LRRTM4: variants seen among roughly 807,000 people sequenced by gnomAD.
LRRTM4 encodes leucine-rich repeat transmembrane neuronal protein 4.
In LRRTM4, 25 loss-of-function variants were observed where a neutral mutation model predicts 47.6. The ratio of observed to expected loss-of-function variants is 0.53; its 90% CI spans 0.38 to 0.73. LRRTM4 has a LOEUF of 0.73. LRRTM4 is among the 30% of genes least tolerant of loss of function. The pLI is 0.00. For missense variants in LRRTM4, 638 were observed against 713.4 expected, an observed-to-expected ratio of 0.89 and a Z score of 1.20; for synonymous variants, 311 against 269.5, an observed-to-expected ratio of 1.15 and a Z score of -1.51.
intron 3 of LRRTM4, among the ~76,000 whole-genome samples, chr2:77,367,596 T>G (rs1672509876): frequency 6.6e-6 from 1 of 151,886 alleles, no homozygotes; most frequent in Non-Finnish European, 1.5e-5. Flanking sequence ...TCAGTCAGCC[T>G]TCTTCTAGCT....
chr2:77,050,770 C>T (rs6708058), intron 3 of LRRTM4, among the ~76,000 whole-genome samples: 81,689 of 151,998 alleles, frequency 0.54, 24,502 homozygotes, highest in African/African-American at 0.81. Flanking sequence ...TTCTGTAAAA[C>T]GGAAAAGTAA....
intron 3 of LRRTM4, among the ~76,000 whole-genome samples, chr2:77,405,340 G>C (rs1364459152): frequency 6.6e-6 from 1 of 152,046 alleles, no homozygotes; most frequent in Non-Finnish European, 1.5e-5. Context: ...GGTCACCCCA[G>C]AACATGGTAG....
At chr2:77,056,555 GA>G (rs981664725) in intron 3 of LRRTM4, among the ~76,000 whole-genome samples, 6 of 151,636 alleles carry the variant, frequency 4.0e-5, no homozygotes, top group Non-Finnish European at 7.4e-5. Context: ...GAAAGTAATT[GA>G]AAAAAGTATT....
intron 3 of LRRTM4, among the ~76,000 whole-genome samples, chr2:76,950,655 A>G (rs916865234): frequency 2.6e-5 from 4 of 152,010 alleles, no homozygotes; most frequent in African/African-American, 9.7e-5. Context: ...AAACAGTTGT[A>G]AACAAACACT....
intron 3 of LRRTM4, among the ~76,000 whole-genome samples, chr2:77,382,486 A>G (rs995109363): frequency 4.4e-4 from 67 of 152,182 alleles, no homozygotes; most frequent in African/African-American, 1.5e-3. Context: ...AAAATTTTTC[A>G]CAAACATCTT....
rs534486955 is a variant in LRRTM4, at chr2:77,124,867, G to A, written c.1552-375951C>T. ...AACATTGTGCTGACTTTTCAAAACC[G>A]TGTCTGTGGTCCCACGTGCACTGCA... is the stretch of plus-strand genomic sequence containing the variant. On this transcript the variant is annotated intron_variant, in intron 3 of 3. Coordinates refer to ENST00000409884, the MANE Select transcript of LRRTM4 (RefSeq NM_001134745.3). Among the ~76,000 whole-genome samples, 4 of 152,128 alleles carry A rather than the reference G, an allele frequency of 2.6e-5. No individual in the cohort carries two copies. In the East Asian group the frequency reaches 5.8e-4, roughly 22 times the overall value.
intron 3 of LRRTM4, among the ~76,000 whole-genome samples, chr2:76,794,049 C>T (rs1388266644): frequency 7.9e-5 from 12 of 152,110 alleles, no homozygotes; most frequent in African/African-American, 2.2e-4. Context: ...TAGGGAAGTC[C>T]AACCAGGAAC....
chr2:76,877,784 G>C (rs938661929), intron 3 of LRRTM4, among the ~76,000 whole-genome samples: 1 of 151,998 alleles, frequency 6.6e-6, no homozygotes, highest in Non-Finnish European at 1.5e-5. Flanking sequence ...CCAGAATATG[G>C]AGTAAAAAGC....
At chr2:77,138,570 A>G (rs899037775) in intron 3 of LRRTM4, among the ~76,000 whole-genome samples, 4 of 152,228 alleles carry the variant, frequency 2.6e-5, no homozygotes, top group Admixed American at 2.6e-4. Context: ...GAGCTAAAGA[A>G]GCAAGAGCAA....
At chr2:76,896,461 GA>G (rs1030551510) in intron 3 of LRRTM4, among the ~76,000 whole-genome samples, 5 of 151,420 alleles carry the variant, frequency 3.3e-5, no homozygotes, top group African/African-American at 7.3e-5. Context: ...CCTATTCTAT[GA>G]AAAAAAATCA....
intron 3 of LRRTM4, among the ~76,000 whole-genome samples, chr2:76,904,394 T>C (rs1429015621): frequency 6.6e-6 from 1 of 152,220 alleles, no homozygotes; most frequent in African/African-American, 2.4e-5. Flanking sequence ...CAGGAAATCC[T>C]TCCGACTTGC....
chr2:77,258,963 G>T (rs925648153), intron 3 of LRRTM4, among the ~76,000 whole-genome samples: 2 of 151,852 alleles, frequency 1.3e-5, no homozygotes, highest in Non-Finnish European at 2.9e-5. Flanking sequence ...TTTAAAGAAG[G>T]AGGCCTGAAG....
At chr2:76,849,885 A>G (rs1276148540) in intron 3 of LRRTM4, among the ~76,000 whole-genome samples, 1 of 152,154 alleles carries the variant, frequency 6.6e-6, no homozygotes, top group East Asian at 1.9e-4. Context: ...GAACTGATGT[A>G]TAATTGTATT....
At chr2:77,437,757 C>G (rs1036763832) in intron 3 of LRRTM4, among the ~76,000 whole-genome samples, 4 of 151,908 alleles carry the variant, frequency 2.6e-5, no homozygotes, top group African/African-American at 9.7e-5. Flanking sequence ...TTTAAGATTG[C>G]CTTAGTTCCT....
intron 3 of LRRTM4, among the ~76,000 whole-genome samples, chr2:77,243,012 G>A (rs1675312485): frequency 6.6e-6 from 1 of 152,114 alleles, no homozygotes; most frequent in African/African-American, 2.4e-5. Context: ...AAAATGCAGT[G>A]TATGCAGGTA....
Position 76,991,953 on chromosome 2 carries a change from T to C in LRRTM4, c.1552-243037A>G, listed in dbSNP as rs536456274. Among the ~76,000 whole-genome samples, 5 of 151,904 alleles carry C rather than the reference T, an allele frequency of 3.3e-5. No homozygotes were observed. The East Asian group carries it at 9.7e-4, about 29-fold the overall frequency. ...TAATTCACCACAATAAACTAGGCTT[T>C]ATTCTTGGGATTTAAGATTGATTAA... On this transcript the variant is annotated intron_variant, in intron 3 of 3. Transcript: ENST00000409884.
chr2:77,043,006 A>C (rs1320671346), intron 3 of LRRTM4, among the ~76,000 whole-genome samples: 1 of 151,688 alleles, frequency 6.6e-6, no homozygotes, highest in Non-Finnish European at 1.5e-5. Flanking sequence ...TCTGTTTCTC[A>C]ATATATGCTG....
chr2:77,227,062 G>A (rs78482841), intron 3 of LRRTM4, among the ~76,000 whole-genome samples: 1,549 of 151,980 alleles, frequency 0.01, 5 homozygotes, highest in Non-Finnish European at 0.016. Context: ...GCTAAGATTG[G>A]GTTAATAGCA....
chr2:77,401,943 C>G (rs1291806467), intron 3 of LRRTM4, among the ~76,000 whole-genome samples: 2 of 151,802 alleles, frequency 1.3e-5, no homozygotes, highest in Non-Finnish European at 2.9e-5. Context: ...TTTGAAAGAA[C>G]GACTATTTTA....
Sources: gnomAD v4.1 joint callset for allele counts (sites outside exome capture counted in the v4.1 genomes callset) on GRCh38, gnomAD v4.1.1 for gene constraint, MANE v1.5 for transcripts, NCBI Gene and HGNC (gene_info 2026-07-23, HGNC 2026-07-21) for gene names.